SLC44A1: variants seen among roughly 807,000 people sequenced by gnomAD.
SLC44A1 encodes the protein solute carrier family 44 member 1, also known as choline transporter-like protein 1.
A neutral mutation model predicts 79.3 loss-of-function variants in SLC44A1; 26 were observed. That is an observed-to-expected ratio of 0.33 (90% confidence interval 0.24 to 0.46). SLC44A1 has a LOEUF of 0.46. Ranked by LOEUF, SLC44A1 falls within the 20% of genes least tolerant of loss-of-function variation. SLC44A1 has a pLI of 1.00. For synonymous variants in SLC44A1, 263 were observed against 286.2 expected (o/e 0.92, Z 0.82); for missense variants, 688 against 798.1 (o/e 0.86, Z 1.66).
chr9:105,251,271 T>C (rs538707754), intron 1 of SLC44A1, among the ~76,000 whole-genome samples: 34 of 152,274 alleles, frequency 2.2e-4, no homozygotes, highest in Non-Finnish European at 3.2e-4. Context: ...TTGTGGAAAC[T>C]GGAGACTCGA....
At chr9:105,383,429 C>T (rs1828538360) in intron 14 of SLC44A1, 70 bp downstream of exon 14, 1 of 889,370 alleles carries the variant, frequency 1.1e-6, no homozygotes, top group African/African-American at 1.7e-5. Context: ...GTAAAACATT[C>T]TCTATATTTA....
intron 15 of SLC44A1, among the ~76,000 whole-genome samples, chr9:105,430,923 C>T (rs755162330): frequency 6.6e-6 from 1 of 152,162 alleles, no homozygotes; most frequent in South Asian, 2.1e-4. Flanking sequence ...TCTACATCCT[C>T]GACAAGTGTA....
At chr9:105,246,034 A>T (rs896859804) in intron 1 of SLC44A1, among the ~76,000 whole-genome samples, 1 of 152,194 alleles carries the variant, frequency 6.6e-6, no homozygotes, top group East Asian at 1.9e-4. Flanking sequence ...ATGTAATCTC[A>T]CAGTTTCATT....
At position 105,394,255 on chromosome 9, in the gene SLC44A1, T is replaced by TA. The variant is rs1387194327; in HGVS notation, c.*5200dup. 1.3e-5 allele frequency: 13 copies of TA among 985,326 alleles called. No homozygotes were observed. In the Admixed American group the frequency reaches 5.5e-4, roughly 42 times the overall value. The allele number at this position is 985,326 out of a possible 1,614,324, so 61.0% of individuals were successfully genotyped here. ...CTAGAGATACTTTTGAGATGATGCT[T>TA]ACCACCTTCTGACCTGGAATCATTT... On this transcript the variant is annotated 3_prime_UTR_variant, in exon 16 of 16. Coordinates refer to ENST00000374720, the MANE Select transcript of SLC44A1 (RefSeq NM_080546.5).
intron 15 of SLC44A1, among the ~76,000 whole-genome samples, chr9:105,403,530 A>G (rs183391319): frequency 3.0e-4 from 45 of 151,736 alleles, no homozygotes; most frequent in Non-Finnish European, 5.9e-4. Context: ...TATTTCGGAT[A>G]CATTCACTGA....
rs548270846 is a variant in SLC44A1, at chr9:105,306,370, T to A, written c.127-3354T>A. The stretch of plus-strand genomic sequence containing the variant: ...CCCACTTTAATTTCATGTGCCACAT[T>A]TTTTCCTTTCTGAAACTATATTGCT... On this transcript the variant is annotated intron_variant, in intron 2 of 15. Coordinates refer to ENST00000374720, the MANE Select transcript of SLC44A1 (RefSeq NM_080546.5). Among the ~76,000 whole-genome samples the A allele has an allele frequency of 3.2e-4, 48 of 152,348 alleles. No individual in the cohort carries two copies. In the South Asian group the frequency reaches 8.5e-3, roughly 27 times the overall value.
intron 3 of SLC44A1, among the ~76,000 whole-genome samples, chr9:105,323,869 C>A (rs11790973): frequency 3.9e-5 from 6 of 152,322 alleles, no homozygotes. Flanking sequence ...CAGAGTAATT[C>A]TAAACTTTCC....
rs185978909 is a variant in SLC44A1, at chr9:105,277,938, G to C, written c.37-21282G>C. ...CCCTGGGGCTCATGCTTTCTTCTTT[G>C]GGAAATAGGTGTTAGAGGGTATTTT... On this transcript the variant is annotated intron_variant, in intron 1 of 15. Coordinates refer to ENST00000374720, the MANE Select transcript of SLC44A1 (RefSeq NM_080546.5). 1.2e-3 allele frequency among the ~76,000 whole-genome samples: 190 copies of C among 152,264 alleles called. 1 individual carries two copies. Among genetic ancestry groups the C allele is most frequent in the African/African-American group, 4.1e-3 (172 of 41,550 alleles).
rs1588843237 is a variant in SLC44A1, at chr9:105,372,084, C to T, written c.1495-2514C>T. The stretch of plus-strand genomic sequence containing the variant: ...CTGCTATCTTTTATCTGATAAGAAG[C>T]ACTGACAGATGACAATATAAGGGAG... On this transcript the variant is annotated intron_variant, in intron 12 of 15. Coordinates refer to ENST00000374720, the MANE Select transcript of SLC44A1 (RefSeq NM_080546.5). Among the ~76,000 whole-genome samples the T allele has an allele frequency of 2.6e-5, 4 of 152,162 alleles. No individual in the cohort carries two copies. The East Asian group carries it at 7.7e-4, about 29-fold the overall frequency.
intron 1 of SLC44A1, among the ~76,000 whole-genome samples, chr9:105,245,590 C>T (rs948759598): frequency 6.6e-6 from 1 of 152,218 alleles, no homozygotes; most frequent in African/African-American, 2.4e-5. Flanking sequence ...GGAGCGCCGA[C>T]TCTGGGCTGG....
chr9:105,404,762 G>T (rs1829007137), intron 15 of SLC44A1, among the ~76,000 whole-genome samples: 1 of 152,206 alleles, frequency 6.6e-6, no homozygotes, highest in Non-Finnish European at 1.5e-5. Context: ...TGGCACTATG[G>T]ATATAGATTT....
At chr9:105,283,558 AC>A (rs578140029) in intron 1 of SLC44A1, among the ~76,000 whole-genome samples, 30 of 152,308 alleles carry the variant, frequency 2.0e-4, no homozygotes, top group Non-Finnish European at 3.7e-4. Flanking sequence ...ACACCTATCA[AC>A]CCAGCAGGCT....
chr9:105,302,115 T>TA (rs1179223179), intron 2 of SLC44A1, among the ~76,000 whole-genome samples: 1 of 152,190 alleles, frequency 6.6e-6, no homozygotes, highest in African/African-American at 2.4e-5. Flanking sequence ...GTCTAGAACT[T>TA]AGAGTGTTTT....
intron 15 of SLC44A1, among the ~76,000 whole-genome samples, chr9:105,426,076 T>C (rs1212589277): frequency 6.6e-6 from 1 of 152,218 alleles, no homozygotes; most frequent in Non-Finnish European, 1.5e-5. Flanking sequence ...GATGAAAGAC[T>C]AGTTAGATGA....
intron 15 of SLC44A1, among the ~76,000 whole-genome samples, chr9:105,413,492 C>T (rs2131509122): frequency 6.6e-6 from 1 of 152,300 alleles, no homozygotes; most frequent in East Asian, 1.9e-4. Flanking sequence ...AGACATATTA[C>T]AAACACCAAC....
chr9:105,358,453 G>C lies in SLC44A1; in HGVS notation c.760+20G>C, dbSNP rs377517567. ...CACTTGGTAAGCTATTTATTTCTTT[G>C]TTTTCTACCTCAGCCTCTTAACTAC... is the stretch of plus-strand genomic sequence containing the variant. On this transcript the variant is annotated intron_variant, in intron 7 of 15. Transcript: ENST00000374720. 5.4e-6 allele frequency: 7 copies of C among 1,301,918 alleles called. No homozygotes were observed. The highest frequency in any genetic ancestry group is 1.2e-5 in the South Asian group (1 of 82,998). 80.6% of individuals were successfully genotyped at this position (1,301,918 alleles called of 1,614,324 possible). A position where few individuals can be genotyped will look rare whatever the true frequency, so the allele number is the denominator to read the frequency against.
At chr9:105,345,938 G>A in intron 4 of SLC44A1, among the ~76,000 whole-genome samples, 1 of 145,144 alleles carries the variant, frequency 6.9e-6, no homozygotes. Context: ...GGAAAACTTT[G>A]TCTTACTGGT....
intron 1 of SLC44A1, among the ~76,000 whole-genome samples, chr9:105,280,709 A>AT (rs1263233897): frequency 6.6e-6 from 1 of 152,228 alleles, no homozygotes; most frequent in African/African-American, 2.4e-5. Flanking sequence ...AGAAAAACAA[A>AT]TTGGGTAACA....
intron 3 of SLC44A1, among the ~76,000 whole-genome samples, chr9:105,321,555 A>G (rs933383552): frequency 3.9e-5 from 6 of 152,188 alleles, no homozygotes; most frequent in Non-Finnish European, 7.4e-5. Context: ...TAGAATATGT[A>G]TAGGTAGTTA....
Sources: gnomAD v4.1 joint callset for allele counts (sites outside exome capture counted in the v4.1 genomes callset) on GRCh38, gnomAD v4.1.1 for gene constraint, MANE v1.5 for transcripts, NCBI Gene and HGNC (gene_info 2026-07-23, HGNC 2026-07-21) for gene names.